Variants in SNX29 observed in about 807,000 individuals in gnomAD.
SNX29 encodes sorting nexin-29.
SNX29 carries 78 observed loss-of-function variants against 102.1 expected under a neutral mutation model. The observed-to-expected ratio is 0.76, with a 90% CI of 0.64 to 0.92. The LOEUF (loss-of-function observed/expected upper bound fraction) is 0.92. SNX29 is among the 40% of genes least tolerant of loss of function. The pLI, the probability that SNX29 is intolerant of heterozygous loss-of-function variation, is 0.00. For synonymous variants in SNX29, 580 were observed against 414.5 expected (o/e 1.40, Z -4.85); for missense variants, 1,280 against 1,061.7 (o/e 1.21, Z -2.86).
chr16:12,404,366 C>G (rs1375482036), intron 18 of SNX29, among the ~76,000 whole-genome samples: 1 of 152,116 alleles, frequency 6.6e-6, no homozygotes, highest in Admixed American at 6.5e-5. Flanking sequence ...TCTGAAGCCT[C>G]TTTTAGCCCT....
At chr16:12,388,499 T>A (rs1415849377) in intron 16 of SNX29, among the ~76,000 whole-genome samples, 1 of 152,262 alleles carries the variant, frequency 6.6e-6, no homozygotes, top group East Asian at 1.9e-4. Flanking sequence ...AAATTACAAA[T>A]GATTTTTCTG....
At chr16:12,438,300 G>A (rs2085631075) in intron 18 of SNX29, among the ~76,000 whole-genome samples, 1 of 152,156 alleles carries the variant, frequency 6.6e-6, no homozygotes, top group Non-Finnish European at 1.5e-5. Flanking sequence ...AGCCCTCCTT[G>A]GGAAACTTTG....
intron 16 of SNX29, among the ~76,000 whole-genome samples, chr16:12,361,096 C>G (rs149268627): frequency 1.9e-3 from 291 of 152,316 alleles, no homozygotes; most frequent in African/African-American, 6.7e-3. Context: ...GAGACTTGGG[C>G]AGCATCTAAT....
chr16:12,059,808 C>CTATA (rs1383315118), intron 8 of SNX29, among the ~76,000 whole-genome samples: 2 of 152,138 alleles, frequency 1.3e-5, no homozygotes, highest in Non-Finnish European at 2.9e-5. Flanking sequence ...TAAAGACAAA[C>CTATA]TATATAAGTA....
At chr16:12,377,864 T>C (rs2432629) in intron 16 of SNX29, among the ~76,000 whole-genome samples, 97,737 of 152,042 alleles carry the variant, frequency 0.64, 31,852 homozygotes, top group East Asian at 0.76. Context: ...CCTTAAATAG[T>C]CCACAATCTC....
intron 13 of SNX29, among the ~76,000 whole-genome samples, chr16:12,142,557 ATTGTTTGT>A (rs372632177): frequency 5.3e-5 from 8 of 151,982 alleles, no homozygotes; most frequent in East Asian, 1.9e-4. Flanking sequence ...AACGATTGAT[ATTGTTTGT>A]TTGTTTGTTT....
At chr16:12,294,505 G>A (rs1036810037) in intron 15 of SNX29, among the ~76,000 whole-genome samples, 2 of 152,154 alleles carry the variant, frequency 1.3e-5, no homozygotes, top group African/African-American at 4.8e-5. Context: ...TCCCAGGCCT[G>A]GGAAGTCCAT....
chr16:12,359,528 A>G (rs1176525453), intron 16 of SNX29, among the ~76,000 whole-genome samples: 1 of 152,278 alleles, frequency 6.6e-6, no homozygotes, highest in African/African-American at 2.4e-5. Flanking sequence ...CTTTTCAGTT[A>G]CATGTATTTT....
At chr16:12,145,548 C>T (rs1195521362) in intron 13 of SNX29, among the ~76,000 whole-genome samples, 2 of 152,006 alleles carry the variant, frequency 1.3e-5, no homozygotes, top group East Asian at 3.8e-4. Context: ...TTCTTAAGTC[C>T]GGGAATACCA....
intron 14 of SNX29, among the ~76,000 whole-genome samples, chr16:12,246,595 G>T (rs1262939202): frequency 6.6e-6 from 1 of 152,122 alleles, no homozygotes; most frequent in African/African-American, 2.4e-5. Flanking sequence ...AGCCGAGATC[G>T]TGCCACTGGG....
At chr16:12,023,358 G>C (rs1166025479) in intron 3 of SNX29, among the ~76,000 whole-genome samples, 1 of 148,456 alleles carries the variant, frequency 6.7e-6, no homozygotes, top group African/African-American at 2.5e-5. Flanking sequence ...CTGCAGTAGA[G>C]AGTATTCTGG....
chr16:12,405,309 A>G (rs759788193), intron 18 of SNX29, among the ~76,000 whole-genome samples: 15 of 152,214 alleles, frequency 9.9e-5, no homozygotes, highest in Non-Finnish European at 1.6e-4. Flanking sequence ...CCTGAAAGCT[A>G]TGAATTGAGA....
chr16:12,130,520 AG>A (rs1183124006), intron 13 of SNX29, among the ~76,000 whole-genome samples: 1 of 151,940 alleles, frequency 6.6e-6, no homozygotes, highest in African/African-American at 2.4e-5. Flanking sequence ...AAGCAAAAAA[AG>A]TGTGTATTTT....
At chr16:12,292,306 A>C (rs948132003) in intron 15 of SNX29, among the ~76,000 whole-genome samples, 1 of 152,146 alleles carries the variant, frequency 6.6e-6, no homozygotes, top group African/African-American at 2.4e-5. Flanking sequence ...TGTCATTCCT[A>C]CTAGAGAGAG....
In SNX29 at chr16:12,181,314, C is replaced by T. The variant is rs114445098; in HGVS notation, c.1596-18287C>T. On this transcript the variant is annotated intron_variant, in intron 13 of 20. Transcript: ENST00000566228. ...GGTCAGAGCATGGTTGGGTTTTATACGTTCTAGGGAGACATGAGGCATCAA... is the reference window on the plus strand; with the variant it reads ...GGTCAGAGCATGGTTGGGTTTTATATGTTCTAGGGAGACATGAGGCATCAA... 3.2e-3 allele frequency among the ~76,000 whole-genome samples: 490 copies of T among 152,300 alleles called. 3 individuals carry two copies. The highest frequency in any genetic ancestry group is 0.011 in the African/African-American group (466 of 41,548).
chr16:12,245,574 T>C (rs1022350434), intron 14 of SNX29, among the ~76,000 whole-genome samples: 1 of 151,970 alleles, frequency 6.6e-6, no homozygotes, highest in Admixed American at 6.6e-5. Flanking sequence ...TTAGAGTGAT[T>C]GTAGTTTATT....
At chr16:12,247,143 A>G (rs145456132) in intron 14 of SNX29, among the ~76,000 whole-genome samples, 243 of 152,322 alleles carry the variant, frequency 1.6e-3, no homozygotes, top group African/African-American at 5.4e-3. Context: ...CACCTTCCCT[A>G]TACGACGGGG....
chr16:12,378,846 G>T (rs1374691774), intron 16 of SNX29, among the ~76,000 whole-genome samples: 2 of 152,198 alleles, frequency 1.3e-5, no homozygotes, highest in African/African-American at 4.8e-5. Context: ...AGCAGTCGCT[G>T]CAGTGTTCTC....
chr16:12,532,064 TACAGGAACCAGG>T (rs2076946650), intron 20 of SNX29, among the ~76,000 whole-genome samples: 1 of 152,184 alleles, frequency 6.6e-6, no homozygotes. Flanking sequence ...GGTCGCCGTT[TACAGGAACCAGG>T]ACAGGAACAT....
Sources: gnomAD v4.1 joint callset for allele counts (sites outside exome capture counted in the v4.1 genomes callset) on GRCh38, gnomAD v4.1.1 for gene constraint, MANE v1.5 for transcripts, NCBI Gene and HGNC (gene_info 2026-07-23, HGNC 2026-07-21) for gene names.